TMEM123: variants seen among roughly 807,000 people sequenced by gnomAD.
TMEM123 encodes transmembrane protein 123, also known as porimin.
A neutral mutation model predicts 19.7 loss-of-function variants in TMEM123; 16 were observed. That is an observed-to-expected ratio of 0.81 (90% CI 0.55 to 1.23). The LOEUF (loss-of-function observed/expected upper bound fraction) is 1.23, where lower values mean the gene tolerates loss of function less well. Among genes scored for constraint, TMEM123 ranks in the 50% most tolerant of loss-of-function variants. The pLI is 0.00. For missense variants in TMEM123, 313 were observed against 257.8 expected (o/e 1.21, Z -1.47); for synonymous variants, 118 against 99.4 (o/e 1.19, Z -1.12).
intron 2 of TMEM123, among the ~76,000 whole-genome samples, chr11:102,404,640 C>T (rs1160500461): frequency 2.6e-5 from 4 of 152,172 alleles, no homozygotes; most frequent in South Asian, 2.1e-4. Context: ...CTCTGTCCCC[C>T]AGGCTGGAGG....
At chr11:102,438,753 TGCAGCCCACAGA>T (rs1209069676) in intron 2 of TMEM123, among the ~76,000 whole-genome samples, 4 of 152,210 alleles carry the variant, frequency 2.6e-5, no homozygotes, top group Non-Finnish European at 5.9e-5. Context: ...GGACAGTGGC[TGCAGCCCACAGA>T]GCGTAAGCCG....
intron 1 of TMEM123, among the ~76,000 whole-genome samples, chr11:102,450,370 TA>T (rs1857925603): frequency 6.6e-6 from 1 of 152,202 alleles, no homozygotes; most frequent in Non-Finnish European, 1.5e-5. Flanking sequence ...CACTTGCCAC[TA>T]AGAGTAATGA....
rs769216287 is a variant in TMEM123 at position 102,401,612 on chromosome 11, G to A, written c.529C>T (p.Leu177=). 1 of 1,607,290 alleles carries A rather than the reference G, an allele frequency of 6.2e-7. No individual in the cohort carries two copies. Among genetic ancestry groups the A allele is most frequent in the Non-Finnish European group, 8.5e-7 (1 of 1,178,380 alleles). Residue 177 remains leucine, a synonymous_variant, in exon 4 of 5, where the codon CTG becomes TTG. Coordinates refer to ENST00000398136, the MANE Select transcript of TMEM123 (RefSeq NM_052932.3). ...GSFVGGIVLT[L]GVLSILYIGC... Reference sequence around the variant, plus strand: ...ATGTAAAGAATAGATAAAACTCCCAGCGTTAATACAATACCACCAACAAAG... The same window carrying A: ...ATGTAAAGAATAGATAAAACTCCCAACGTTAATACAATACCACCAACAAAG...
chr11:102,426,397 G>GCAGA, intron 2 of TMEM123, among the ~76,000 whole-genome samples: 1 of 151,948 alleles, frequency 6.6e-6, no homozygotes, highest in African/African-American at 2.4e-5. Context: ...GGGAGCCGAT[G>GCAGA]CAGACAGCAC....
Position 102,452,734 on chromosome 11 carries a change from A to G in TMEM123, c.-111T>C, listed in dbSNP as rs1478226823. 1.2e-6 allele frequency: 1 copy of G among 807,154 alleles called. No individual in the cohort carries two copies. Among genetic ancestry groups the G allele is most frequent in the African/African-American group, 1.8e-5 (1 of 55,434 alleles). 50.0% of individuals were successfully genotyped at this position (807,154 alleles called of 1,614,324 possible). ...GGCTCCGCTTCCCCTTCGGCCGCGCACGTTTCCCCTCCCGCCGCTTGCCCC... is the reference window on the plus strand; with the variant it reads ...GGCTCCGCTTCCCCTTCGGCCGCGCGCGTTTCCCCTCCCGCCGCTTGCCCC... On this transcript the variant is annotated 5_prime_UTR_variant, in exon 1 of 5. Transcript: ENST00000398136.
intron 2 of TMEM123, among the ~76,000 whole-genome samples, chr11:102,410,674 G>A (rs774400058): frequency 2.0e-5 from 3 of 152,090 alleles, no homozygotes; most frequent in African/African-American, 4.8e-5. Flanking sequence ...ACCCCTGTTA[G>A]GCTGACAGCT....
intron 2 of TMEM123, among the ~76,000 whole-genome samples, chr11:102,438,207 C>T (rs987176359): frequency 6.6e-6 from 1 of 152,096 alleles, no homozygotes; most frequent in Non-Finnish European, 1.5e-5. Context: ...CACACATCAC[C>T]ACACCCAGCT....
intron 2 of TMEM123, among the ~76,000 whole-genome samples, chr11:102,447,857 C>A (rs1013529895): frequency 6.6e-6 from 1 of 152,130 alleles, no homozygotes; most frequent in Admixed American, 6.6e-5. Flanking sequence ...AAACCAAGAA[C>A]ATAAACTAAG....
At chr11:102,408,580 A>G (rs1258981700) in intron 2 of TMEM123, among the ~76,000 whole-genome samples, 1 of 152,226 alleles carries the variant, frequency 6.6e-6, no homozygotes, top group African/African-American at 2.4e-5. Context: ...ATTCACTGAT[A>G]TAATCTGTGT....
intron 2 of TMEM123, among the ~76,000 whole-genome samples, chr11:102,405,758 T>C (rs1307163831): frequency 6.6e-6 from 1 of 152,050 alleles, no homozygotes; most frequent in Non-Finnish European, 1.5e-5. Flanking sequence ...TGGGCCAAAA[T>C]AGGAAGCTAT....
chr11:102,398,568 CAT>C lies in TMEM123; in HGVS notation c.*297_*298del. 1 of 489,648 alleles carries C rather than the reference CAT, an allele frequency of 2.0e-6. No homozygotes were observed. The highest frequency in any genetic ancestry group is 3.5e-5 in the East Asian group (1 of 28,950). The allele number at this position is 489,648 out of a possible 1,614,324, so 30.3% of individuals were successfully genotyped here. A position where few individuals can be genotyped will look rare whatever the true frequency, so the allele number is the denominator to read the frequency against. On this transcript the variant is annotated 3_prime_UTR_variant, in exon 5 of 5. Transcript: ENST00000398136. ...GTGATGACGTCTTTCAATTACTGGT[CAT>C]ATGTGACCAATGCCCCCACCCCAGC... is the stretch of plus-strand genomic sequence containing the variant.
chr11:102,427,262 C>T lies in TMEM123; in HGVS notation c.157+21550G>A, dbSNP rs190301704. Among the ~76,000 whole-genome samples the T allele has an allele frequency of 2.6e-5, 4 of 151,996 alleles. No individual in the cohort carries two copies. In the East Asian group the frequency reaches 7.8e-4, roughly 30 times the overall value. ...GCACCATGCAATCCTACCACACTTA[C>T]ATGAACTCGATCAGTCTTCAGTCTT... On this transcript the variant is annotated intron_variant, in intron 2 of 4. Transcript: ENST00000398136.
intron 1 of TMEM123, among the ~76,000 whole-genome samples, chr11:102,451,479 G>C (rs1857938405): frequency 6.6e-6 from 1 of 152,202 alleles, no homozygotes; most frequent in African/African-American, 2.4e-5. Context: ...AAAAGCAAGT[G>C]TTGTGCCTGA....
chr11:102,409,361 A>C (rs1348208803), intron 2 of TMEM123, among the ~76,000 whole-genome samples: 1 of 152,180 alleles, frequency 6.6e-6, no homozygotes, highest in East Asian at 1.9e-4. Context: ...GAAAACCTTG[A>C]GAATCTCTTT....
chr11:102,411,516 G>A (rs1165766323), intron 2 of TMEM123, among the ~76,000 whole-genome samples: 1 of 152,110 alleles, frequency 6.6e-6, no homozygotes, highest in Admixed American at 6.6e-5. Flanking sequence ...TAGTTAATTA[G>A]GAGTACAAGA....
At chr11:102,438,964 C>T (rs955296205) in intron 2 of TMEM123, among the ~76,000 whole-genome samples, 2 of 152,232 alleles carry the variant, frequency 1.3e-5, no homozygotes. Flanking sequence ...TCAGAGGGTC[C>T]CACACCCACG....
At chr11:102,428,691 G>C (rs1433563906) in intron 2 of TMEM123, among the ~76,000 whole-genome samples, 2 of 152,018 alleles carry the variant, frequency 1.3e-5, no homozygotes, top group Non-Finnish European at 2.9e-5. Flanking sequence ...TGGCCATCTG[G>C]ACAATTACTT....
At chr11:102,437,049 A>G (rs1355876881) in intron 2 of TMEM123, among the ~76,000 whole-genome samples, 1 of 152,194 alleles carries the variant, frequency 6.6e-6, no homozygotes, top group Non-Finnish European at 1.5e-5. Flanking sequence ...AAAAAACCAA[A>G]TATTTTAAAA....
chr11:102,435,647 T>C (rs2135860085), intron 2 of TMEM123, among the ~76,000 whole-genome samples: 1 of 152,066 alleles, frequency 6.6e-6, no homozygotes, highest in East Asian at 1.9e-4. Flanking sequence ...AGAAGCACTA[T>C]TCATAATATC....
Sources: allele counts gnomAD v4.1 joint callset (sites outside exome capture counted in the v4.1 genomes callset), GRCh38; gene constraint gnomAD v4.1.1; transcripts MANE v1.5; gene names NCBI Gene and HGNC (gene_info 2026-07-23, HGNC 2026-07-21).